Variants in SRCAP observed in about 807,000 individuals in gnomAD.
The protein encoded by SRCAP is chromatin remodeling protein SRCAP.
SRCAP carries 46 observed loss-of-function variants against 263.1 expected under a neutral mutation model. That is an observed-to-expected ratio of 0.17 (90% CI 0.14 to 0.22). The LOEUF (loss-of-function observed/expected upper bound fraction) is 0.22. Ranked by LOEUF, SRCAP falls within the 10% of genes least tolerant of loss-of-function variation. SRCAP has a pLI of 1.00. For synonymous variants in SRCAP, 1,813 were observed against 1,662.1 expected, an observed-to-expected ratio of 1.09 and a Z score of -2.21; for missense variants, 3,695 against 4,181.9, an observed-to-expected ratio of 0.88 and a Z score of 3.21.
intron 22 of SRCAP, 116 bp from the exon 23 acceptor site, chr16:30,722,447 A>G (rs2151293354): frequency 1.3e-6 from 2 of 1,503,422 alleles, no homozygotes; most frequent in East Asian, 4.6e-5. Context: ...GATAGGGAAG[A>G]GGTCATTCTA....
chr16:30,709,185 C>T (rs1390573495), intron 6 of SRCAP, among the ~76,000 whole-genome samples: 6 of 151,820 alleles, frequency 4.0e-5, no homozygotes, highest in Non-Finnish European at 7.4e-5. Flanking sequence ...GTTCCACCTA[C>T]GTGGGAGGGT....
rs2053218870 is a variant in SRCAP at position 30,740,986 on chromosome 16, T to A, written c.*1253T>A. 6.6e-6 allele frequency: 1 copy of A among 152,236 alleles called. No individual in the cohort carries two copies. Among genetic ancestry groups the A allele is most frequent in the Admixed American group, 6.5e-5 (1 of 15,272 alleles). The allele number at this position is 152,236 out of a possible 1,614,324, so 9.4% of individuals were successfully genotyped here. On this transcript the variant is annotated 3_prime_UTR_variant, in exon 34 of 34. Transcript: ENST00000262518. Reference sequence around the variant, plus strand: ...AGAAAGGTGGTTTGATGCCAGGGCCTAGAGGACCTGAGAAGTAGGGAGACA... The same window carrying A: ...AGAAAGGTGGTTTGATGCCAGGGCCAAGAGGACCTGAGAAGTAGGGAGACA...
rs372390530 is a variant in SRCAP at position 30,707,377 on chromosome 16, T to G, written c.492+9T>G. 1.2e-6 allele frequency: 2 copies of G among 1,612,766 alleles called. No homozygotes were observed. The highest frequency in any genetic ancestry group is 1.7e-6 in the Non-Finnish European group (2 of 1,179,196). ...GGGGTGTGGCCCGGAAGGTAGGTCT[T>G]CCGCTGGGACTTCCTTCCTTTTCCT... On this transcript the variant is annotated intron_variant, in intron 5 of 33. Transcript: ENST00000262518.
rs753319742 is a variant in SRCAP at position 30,722,668 on chromosome 16, C to G, written c.3812C>G (p.Pro1271Arg). The G allele has an allele frequency of 6.2e-7, 1 of 1,614,088 alleles. No homozygotes were observed. The highest frequency in any genetic ancestry group is 1.7e-5 in the Admixed American group (1 of 60,024). ...QAVAPTPGPTPVSVLPSSTPS... is the reference protein window; with the variant it reads ...QAVAPTPGPTRVSVLPSSTPS... ...GTGGCCCCGACCCCTGGCCCTACCC[C>G]TGTCTCTGTGCTGCCTTCTTCGACC... is the stretch of plus-strand genomic sequence containing the variant. The change falls in exon 23 of 34, where the codon CCT becomes CGT. Residue 1271 changes from proline (P) to arginine (R), a missense_variant. By Grantham distance (103) the Pro-to-Arg change is moderately radical. Transcript: ENST00000262518.
At chr16:30,729,323 C>T (rs765227229) in intron 26 of SRCAP, 47 bp from the exon 27 acceptor site, 1 of 1,609,896 alleles carries the variant, frequency 6.2e-7, no homozygotes, top group South Asian at 1.1e-5. Flanking sequence ...ACTTCTGGGG[C>T]ATTTCAGAGT....
chr16:30,717,818 A>G (rs1293830065), intron 18 of SRCAP, among the ~76,000 whole-genome samples: 3 of 151,568 alleles, frequency 2.0e-5, no homozygotes, highest in Non-Finnish European at 4.4e-5. Context: ...CATGTTTGCC[A>G]GGATGGTCTT....
intron 21 of SRCAP, 52 bp downstream of exon 21, chr16:30,721,528 G>A (rs750147598): frequency 3.8e-6 from 6 of 1,573,134 alleles, no homozygotes; most frequent in Non-Finnish European, 5.2e-6. Flanking sequence ...GGAAAGCTCA[G>A]GACCATGAGA....
chr16:30,699,841 C>G (rs1357671148), intron 1 of SRCAP, 67 bp from the exon 2 acceptor site: 2 of 152,090 alleles, frequency 1.3e-5, no homozygotes, highest in Non-Finnish European at 1.5e-5. Flanking sequence ...AGTCTTTTAA[C>G]TGATTTGGGT....
Position 30,709,665 on chromosome 16 carries a change from T to C in SRCAP, c.786T>C (p.Ser262=). The C allele has an allele frequency of 1.2e-6, 2 of 1,614,190 alleles. No homozygotes were observed. The highest frequency in any genetic ancestry group is 1.7e-6 in the Non-Finnish European group (2 of 1,180,036). ...NQPLTSSKAG[S]SPCLGSSSAA... ...CATTAACCTCCAGCAAAGCAGGCTCTTCCCCTTGCCTCGGCTCTTCCTCAG... is the reference window on the plus strand; with the variant it reads ...CATTAACCTCCAGCAAAGCAGGCTCCTCCCCTTGCCTCGGCTCTTCCTCAG... The change falls in exon 7 of 34, where the codon TCT becomes TCC. Residue 262 remains serine (S), a synonymous_variant. Transcript: ENST00000262518.
rs2053136127 is a variant in SRCAP at position 30,733,969 on chromosome 16, C to T, written c.6570C>T (p.Ala2190=). 1 of 1,613,002 alleles carries T rather than the reference C, an allele frequency of 6.2e-7. No individual in the cohort carries two copies. The highest frequency in any genetic ancestry group is 1.1e-5 in the South Asian group (1 of 90,904). The stretch of plus-strand genomic sequence containing the variant: ...AGAAGAGAATGTTGGGGGACATGGC[C>T]ATTGAGGGAGGCAACTTCACCACAG... ...ANQKRMLGDM[A]IEGGNFTTAY... is the part of the protein sequence containing the mutation. Residue 2190 remains alanine (A), a synonymous_variant, in exon 30 of 34, where the codon GCC becomes GCT. Transcript: ENST00000262518. The surrounding 1 kb of genome is among the most constrained non-coding windows in gnomAD (Gnocchi z 5.3).
chr16:30,732,890 T>TGGTG (rs906917079), intron 27 of SRCAP, among the ~76,000 whole-genome samples: 12 of 152,170 alleles, frequency 7.9e-5, no homozygotes, highest in African/African-American at 2.9e-4. Flanking sequence ...TGAAGTGCAT[T>TGGTG]GGTGGGATCT....
chr16:30,722,397 G>A (rs1042541082), intron 22 of SRCAP, 111 bp downstream of exon 22: 11 of 1,527,728 alleles, frequency 7.2e-6, no homozygotes, highest in Middle Eastern at 1.9e-4. Flanking sequence ...GCTTTTGGTG[G>A]GTGGGGCCAA....
chr16:30,699,346 C>T (rs1433410941), intron 1 of SRCAP, 104 bp downstream of exon 1: 7 of 396,282 alleles, frequency 1.8e-5, no homozygotes, highest in East Asian at 1.1e-4. Flanking sequence ...TTCCGGGCCT[C>T]CTGCGGGTTC....
chr16:30,712,429 T>C lies in SRCAP; in HGVS notation c.1983T>C (p.Ala661=). 1.9e-6 allele frequency: 3 copies of C among 1,576,730 alleles called. No individual in the cohort carries two copies. Among genetic ancestry groups the C allele is most frequent in the Non-Finnish European group, 2.6e-6 (3 of 1,163,416 alleles). The part of the protein sequence containing the change: ...IQTISLLAHL[A]CEKGNWGPHL... ...CCATCTCTCTGCTTGCCCACTTGGC[T>C]TGTGAGAAAGGTAAGTAGGCAAGGC... Residue 661 remains alanine, a synonymous_variant, in exon 13 of 34, where the codon GCT becomes GCC. Coordinates refer to ENST00000262518, the MANE Select transcript of SRCAP (RefSeq NM_006662.3).
chr16:30,715,614 C>T (rs956395380), intron 16 of SRCAP, among the ~76,000 whole-genome samples: 6 of 150,250 alleles, frequency 4.0e-5, no homozygotes, highest in Admixed American at 2.0e-4. Context: ...TATTACTTTT[C>T]CTTCATTTAT....
In SRCAP at chr16:30,721,375, C is replaced by T. The variant is rs1242592964; in HGVS notation, c.3440C>T (p.Thr1147Ile). 2 of 1,613,990 alleles carry T rather than the reference C, an allele frequency of 1.2e-6. No individual in the cohort carries two copies. Among genetic ancestry groups the T allele is most frequent in the African/African-American group, 1.3e-5 (1 of 74,952 alleles). Reference protein sequence around the residue: ...YTFPPAAATTTSTTTATATTT... With the variant: ...YTFPPAAATTISTTTATATTT... ...TTCCCTCCTGCTGCTGCCACCACCA[C>T]TTCTACCACCACGGCAACTGCTACC... The change falls in exon 21 of 34, where the codon ACT becomes ATT. Residue 1147 changes from threonine to isoleucine, a missense_variant. By Grantham distance (89) the Thr-to-Ile change is moderately conservative. Coordinates refer to ENST00000262518, the MANE Select transcript of SRCAP (RefSeq NM_006662.3).
Position 30,736,558 on chromosome 16 carries a change from C to T in SRCAP, c.6942C>T (p.Arg2314=), listed in dbSNP as rs746590560. 16 of 1,614,088 alleles carry T rather than the reference C, an allele frequency of 9.9e-6. No homozygotes were observed. Among genetic ancestry groups the T allele is most frequent in the Admixed American group, 1.7e-5 (1 of 60,008 alleles). ...CCTTGCAGCTGACCCCCATTGAGCG[C>T]TATGCCATGAAATTCCTGGAGGCCT... ...ALVEQLTPIE[R]YAMKFLEASL... The change falls in exon 33 of 34, where the codon CGC becomes CGT. Residue 2314 remains arginine (R), a synonymous_variant. Coordinates refer to ENST00000262518, the MANE Select transcript of SRCAP (RefSeq NM_006662.3).
Position 30,729,539 on chromosome 16 carries a change from T to G in SRCAP, c.6094T>G (p.Phe2032Val). 6.2e-7 allele frequency: 1 copy of G among 1,614,144 alleles called. No individual in the cohort carries two copies. The highest frequency in any genetic ancestry group is 8.5e-7 in the Non-Finnish European group (1 of 1,180,020). Residue 2032 changes from phenylalanine to valine, a missense_variant, in exon 27 of 34, where the codon TTC (phenylalanine) becomes GTC (valine). Coordinates refer to ENST00000262518, the MANE Select transcript of SRCAP (RefSeq NM_006662.3). ...HRIVCNMRTQFPDLRLIQYDC... is the reference protein window; with the variant it reads ...HRIVCNMRTQVPDLRLIQYDC... ...TATTGTGTGTAACATGCGCACCCAG[T>G]TCCCTGACTTAAGACTCATCCAGTA...
chr16:30,710,436 T>C (rs1596646120), intron 8 of SRCAP: 11 of 680,974 alleles, frequency 1.6e-5, no homozygotes, highest in East Asian at 2.6e-5. Flanking sequence ...TGTTCCCTTA[T>C]TGGCTTACAG....
Sources: gnomAD v4.1 joint callset for allele counts (sites outside exome capture counted in the v4.1 genomes callset) on GRCh38, gnomAD v4.1.1 for gene constraint, Gnocchi (gnomAD v3.1) non-coding constraint, MANE v1.5 for transcripts, NCBI Gene and HGNC (gene_info 2026-07-23, HGNC 2026-07-21) for gene names.